CDH12: variants seen among roughly 807,000 people sequenced by gnomAD.
The protein encoded by CDH12 is cadherin-12.
CDH12 carries 41 observed loss-of-function variants against 74.1 expected under a neutral mutation model. The ratio of observed to expected loss-of-function variants is 0.55; its 90% CI spans 0.43 to 0.72. The LOEUF (loss-of-function observed/expected upper bound fraction) is 0.72. Ranked by LOEUF, CDH12 falls within the 30% of genes least tolerant of loss-of-function variation. The probability of loss-of-function intolerance (pLI) is 0.00; values close to 1 mark genes in which losing one functional copy is unlikely to be tolerated. For missense variants in CDH12, 945 were observed against 977.2 expected (o/e 0.97, Z 0.44); for synonymous variants, 399 against 355.0 (o/e 1.12, Z -1.39).
At chr5:22,846,397 A>C (rs931383710) in intron 1 of CDH12, among the ~76,000 whole-genome samples, 1 of 152,170 alleles carries the variant, frequency 6.6e-6, no homozygotes, top group Non-Finnish European at 1.5e-5. Flanking sequence ...TTACCCCTTC[A>C]GTGATTCTCT....
chr5:21,912,697 C>T (rs1209416095), intron 6 of CDH12, among the ~76,000 whole-genome samples: 1 of 152,178 alleles, frequency 6.6e-6, no homozygotes, highest in Non-Finnish European at 1.5e-5. Context: ...CTAAACATGA[C>T]ATCCCAATTC....
chr5:22,474,184 T>A (rs1206540607), intron 2 of CDH12, among the ~76,000 whole-genome samples: 1 of 152,166 alleles, frequency 6.6e-6, no homozygotes, highest in East Asian at 1.9e-4. Context: ...GATGTAATAA[T>A]GCTGATGACT....
intron 1 of CDH12, among the ~76,000 whole-genome samples, chr5:22,772,259 C>G (rs1171118590): frequency 1.3e-5 from 2 of 151,880 alleles, no homozygotes; most frequent in Non-Finnish European, 2.9e-5. Context: ...TAGAGAACAA[C>G]AAGTACAAAG....
At chr5:22,673,678 A>G (rs2126917852) in intron 1 of CDH12, among the ~76,000 whole-genome samples, 1 of 152,234 alleles carries the variant, frequency 6.6e-6, no homozygotes, top group African/African-American at 2.4e-5. Flanking sequence ...GGTGCCTTCA[A>G]AAATAATTTA....
chr5:22,176,149 G>A (rs964119999), intron 4 of CDH12, among the ~76,000 whole-genome samples: 1 of 151,782 alleles, frequency 6.6e-6, no homozygotes, highest in African/African-American at 2.4e-5. Context: ...ATACACTTCG[G>A]GGTATTAGGG....
chr5:22,155,363 C>A (rs1338010954), intron 4 of CDH12, among the ~76,000 whole-genome samples: 1 of 151,764 alleles, frequency 6.6e-6, no homozygotes, highest in Non-Finnish European at 1.5e-5. Context: ...GGAGAGGTGG[C>A]ATATAATTGG....
At chr5:22,444,547 T>A (rs555070087) in intron 2 of CDH12, among the ~76,000 whole-genome samples, 113 of 151,792 alleles carry the variant, frequency 7.4e-4, no homozygotes, top group African/African-American at 2.6e-3. Flanking sequence ...CAGTTTTTTT[T>A]TTTTTTTCCC....
intron 4 of CDH12, among the ~76,000 whole-genome samples, chr5:22,207,794 T>C (rs1268794387): frequency 6.6e-6 from 1 of 152,242 alleles, no homozygotes; most frequent in Non-Finnish European, 1.5e-5. Flanking sequence ...CACAGTGTTA[T>C]GAAATTGTTC....
In CDH12 at chr5:21,996,105, GTTTTTTTTTT is replaced by G. The variant is rs61516659; in HGVS notation, c.232-20730_232-20721del. On this transcript the variant is annotated intron_variant, in intron 5 of 14. Coordinates refer to ENST00000382254, the MANE Select transcript of CDH12 (RefSeq NM_004061.5). Reference sequence around the variant, plus strand: ...CAGGTACTTATAAGTTCACACACACGTTTTTTTTTTTTTTTTTTTTTTTTTTTCCAATGCC... The same window carrying G: ...CAGGTACTTATAAGTTCACACACACGTTTTTTTTTTTTTTTTTCCAATGCC... 2.5e-3 allele frequency among the ~76,000 whole-genome samples: 286 copies of G among 113,622 alleles called. 2 individuals carry two copies. Among genetic ancestry groups the G allele is most frequent in the African/African-American group, 6.7e-3 (241 of 35,754 alleles). The allele number at this position is 113,622 out of a possible 152,430, so 74.5% of individuals were successfully genotyped here.
intron 5 of CDH12, among the ~76,000 whole-genome samples, chr5:22,039,787 C>T (rs995793297): frequency 6.6e-6 from 1 of 151,838 alleles, no homozygotes; most frequent in African/African-American, 2.4e-5. Flanking sequence ...TCACCATGCC[C>T]TTTCCAACCA....
chr5:22,002,461 C>T (rs1484183596), intron 5 of CDH12, among the ~76,000 whole-genome samples: 3 of 151,888 alleles, frequency 2.0e-5, no homozygotes, highest in Non-Finnish European at 4.4e-5. Flanking sequence ...TATTTTCTTA[C>T]AAAATATGAG....
At chr5:22,055,615 G>C (rs1285788553) in intron 5 of CDH12, among the ~76,000 whole-genome samples, 1 of 151,882 alleles carries the variant, frequency 6.6e-6, no homozygotes, top group Non-Finnish European at 1.5e-5. Flanking sequence ...CCCATGCTCA[G>C]TTATCTAATT....
intron 4 of CDH12, among the ~76,000 whole-genome samples, chr5:22,084,905 C>A (rs1305310606): frequency 6.6e-6 from 1 of 152,096 alleles, no homozygotes; most frequent in African/African-American, 2.4e-5. Context: ...GCCCCAGCAC[C>A]AATGGTGTTG....
At chr5:22,000,816 G>T (rs1736561541) in intron 5 of CDH12, among the ~76,000 whole-genome samples, 1 of 151,812 alleles carries the variant, frequency 6.6e-6, no homozygotes, top group Non-Finnish European at 1.5e-5. Flanking sequence ...GCTGCAAAAG[G>T]GTACTTATAC....
intron 5 of CDH12, among the ~76,000 whole-genome samples, chr5:22,051,034 T>C (rs1354525700): frequency 1.3e-5 from 2 of 152,148 alleles, no homozygotes; most frequent in Non-Finnish European, 2.9e-5. Flanking sequence ...CATTAAGGAA[T>C]CTGAAAGTCT....
At chr5:21,991,737 TA>T (rs1328731437) in intron 5 of CDH12, among the ~76,000 whole-genome samples, 1 of 151,412 alleles carries the variant, frequency 6.6e-6, no homozygotes, top group Non-Finnish European at 1.5e-5. Context: ...CGAAGTCTTT[TA>T]TTTCCTTTCC....
At chr5:22,353,542 TTTAA>T (rs1355846773) in intron 3 of CDH12, among the ~76,000 whole-genome samples, 2 of 152,132 alleles carry the variant, frequency 1.3e-5, no homozygotes, top group Non-Finnish European at 2.9e-5. Flanking sequence ...AATTGACATT[TTTAA>T]TTAAATAGTT....
At chr5:21,826,513 T>G (rs1178464952) in intron 8 of CDH12, among the ~76,000 whole-genome samples, 1 of 152,306 alleles carries the variant, frequency 6.6e-6, no homozygotes, top group East Asian at 1.9e-4. Flanking sequence ...TTTCTGTTAC[T>G]GCAGATGCCT....
At chr5:21,781,194 A>G (rs1354971439) in intron 11 of CDH12, among the ~76,000 whole-genome samples, 1 of 152,150 alleles carries the variant, frequency 6.6e-6, no homozygotes. Flanking sequence ...TCAGCTGGAC[A>G]CAGGAGAAAG....
Sources: gnomAD v4.1 joint callset for allele counts (sites outside exome capture counted in the v4.1 genomes callset) on GRCh38, gnomAD v4.1.1 for gene constraint, MANE v1.5 for transcripts, NCBI Gene and HGNC (gene_info 2026-07-23, HGNC 2026-07-21) for gene names.